PPEF1: variants seen among roughly 807,000 people sequenced by gnomAD.
PPEF1 encodes serine/threonine-protein phosphatase with EF-hands 1.
In PPEF1, 12 loss-of-function variants were observed where a neutral mutation model predicts 53.3. That is an observed-to-expected ratio of 0.23 (90% CI 0.14 to 0.36). The LOEUF (loss-of-function observed/expected upper bound fraction) is 0.36. Ranked by LOEUF, PPEF1 falls within the 10% of genes least tolerant of loss-of-function variation. The pLI is 1.00. For synonymous variants in PPEF1, 165 were observed against 176.7 expected, an observed-to-expected ratio of 0.93 and a Z score of 0.52; for missense variants, 334 against 490.4, an observed-to-expected ratio of 0.68 and a Z score of 3.01.
intron 1 of PPEF1, among the ~76,000 whole-genome samples, chrX:18,723,941 C>T (rs1208548895): frequency 9.0e-6 from 1 of 110,799 alleles, no homozygotes; most frequent in Admixed American, 9.6e-5. Context: ...CATGCACCAC[C>T]ACGCCTGGCT....
intron 5 of PPEF1, among the ~76,000 whole-genome samples, chrX:18,699,502 G>A (rs1000590740): frequency 1.8e-5 from 2 of 111,861 alleles, no homozygotes; most frequent in South Asian, 3.7e-4. Flanking sequence ...TGCTGGCAGC[G>A]CGGCCGCGAT....
chrX:18,784,548 C>G (rs73636687), intron 9 of PPEF1, among the ~76,000 whole-genome samples: 1,772 of 109,508 alleles, frequency 0.016, 36 homozygotes, highest in African/African-American at 0.056. Context: ...CACTAACTCC[C>G]CATTCTCCCC....
intron 14 of PPEF1, among the ~76,000 whole-genome samples, chrX:18,825,446 C>T (rs1242208574): frequency 8.9e-6 from 1 of 111,986 alleles, no homozygotes; most frequent in Non-Finnish European, 1.9e-5. Flanking sequence ...GTAAAATGGA[C>T]ATAATAATAG....
At chrX:18,726,081 C>T (rs770626107) in intron 1 of PPEF1, among the ~76,000 whole-genome samples, 40 of 111,020 alleles carry the variant, frequency 3.6e-4, no homozygotes, top group Non-Finnish European at 6.8e-4. Context: ...AATGGCCAGG[C>T]GCAGTGGCTC....
intron 10 of PPEF1, among the ~76,000 whole-genome samples, chrX:18,794,189 A>G (rs908956612): frequency 7.1e-5 from 8 of 112,429 alleles, no homozygotes; most frequent in East Asian, 2.8e-4. Context: ...GCTTACTCCA[A>G]CCTCCACAAA....
At chrX:18,677,555 C>T (rs1459335490) in intron 1 of PPEF1, among the ~76,000 whole-genome samples, 1 of 111,740 alleles carries the variant, frequency 8.9e-6, no homozygotes, top group Admixed American at 9.6e-5. Flanking sequence ...GTCCAGAATA[C>T]GTGTCCACTT....
chrX:18,792,646 G>T lies in PPEF1; in HGVS notation c.1065+3373G>T, dbSNP rs369033886. On this transcript the variant is annotated intron_variant, in intron 10 of 15. Transcript: ENST00000470157. ...TTAGTTTTATTGATTTTTCTCTATT[G>T]TTGTCTATTCTCTATTTCATTTATT... 4.2e-4 allele frequency among the ~76,000 whole-genome samples: 46 copies of T among 110,752 alleles called. 1 individual carries two copies. Among genetic ancestry groups the T allele is most frequent in the African/African-American group, 1.4e-3 (44 of 30,472 alleles).
At chrX:18,759,387 A>G (rs1157654714) in intron 5 of PPEF1, among the ~76,000 whole-genome samples, 1 of 111,538 alleles carries the variant, frequency 9.0e-6, no homozygotes, top group Non-Finnish European at 1.9e-5. Context: ...TGTGATGAAA[A>G]TTTGCTATTA....
intron 1 of PPEF1, among the ~76,000 whole-genome samples, chrX:18,717,295 A>G (rs1049404092): frequency 1.4e-4 from 15 of 108,833 alleles, no homozygotes; most frequent in African/African-American, 4.7e-4. Context: ...ATATTCTCTT[A>G]TATAACTACA....
At chrX:18,771,112 T>G (rs752885338) in intron 6 of PPEF1, among the ~76,000 whole-genome samples, 2 of 112,058 alleles carry the variant, frequency 1.8e-5, no homozygotes, top group Non-Finnish European at 3.8e-5. Flanking sequence ...TGTTTTCCTC[T>G]TCTTTTGAAT....
Position 18,774,111 on chromosome X carries a change from C to T in PPEF1, c.559-4899C>T, listed in dbSNP as rs184267839. Among the ~76,000 whole-genome samples, 74 of 109,670 alleles carry T rather than the reference C, an allele frequency of 6.7e-4. 1 individual carries two copies. Among genetic ancestry groups the T allele is most frequent in the African/African-American group, 1.8e-3 (54 of 30,102 alleles). On this transcript the variant is annotated intron_variant, in intron 6 of 15. Transcript: ENST00000470157. ...TTTTTATTTTTATTTTTTTTTGAGA[C>T]GGAGTTTCACTCTTGTTGCCCAGGC...
chrX:18,723,204 C>T (rs2044627807), intron 1 of PPEF1, among the ~76,000 whole-genome samples: 1 of 111,037 alleles, frequency 9.0e-6, no homozygotes, highest in South Asian at 3.8e-4. Context: ...AGGCTGCTCT[C>T]AAACTCCTGA....
chrX:18,694,498 A>G (rs992608216), intron 4 of PPEF1, among the ~76,000 whole-genome samples: 1 of 111,752 alleles, frequency 8.9e-6, no homozygotes, highest in Non-Finnish European at 1.9e-5. Context: ...CGCCTATAAT[A>G]CAAATACTTT....
intron 1 of PPEF1, among the ~76,000 whole-genome samples, chrX:18,712,180 T>G (rs907822211): frequency 8.9e-6 from 1 of 112,138 alleles, no homozygotes; most frequent in Non-Finnish European, 1.9e-5. Context: ...AGAATCAATG[T>G]GTCAGTGTCT....
intron 6 of PPEF1, among the ~76,000 whole-genome samples, chrX:18,768,292 A>C (rs1450124733): frequency 1.8e-5 from 2 of 112,478 alleles, no homozygotes; most frequent in Non-Finnish European, 1.9e-5. Context: ...CATCACTCAC[A>C]AGAGTAAGTA....
At chrX:18,765,845 C>T (rs1438498573) in intron 6 of PPEF1, among the ~76,000 whole-genome samples, 1 of 110,462 alleles carries the variant, frequency 9.1e-6, no homozygotes, top group African/African-American at 3.3e-5. Flanking sequence ...GGACGGATCA[C>T]TTGAGGTCAG....
At chrX:18,821,804 A>AGAGAGAGAGAGAGAG (rs1569273883) in intron 13 of PPEF1, among the ~76,000 whole-genome samples, 7 of 68,596 alleles carry the variant, frequency 1.0e-4, no homozygotes, top group Admixed American at 9.6e-4. Context: ...AGAGAGAGAG[A>AGAGAGAGAGAGAGAG]AAACAAATAA....
chrX:18,724,636 G>A (rs6629290), intron 1 of PPEF1, among the ~76,000 whole-genome samples: 7,379 of 111,113 alleles, frequency 0.066, 651 homozygotes, highest in African/African-American at 0.23. Context: ...TCATTCGTTC[G>A]TTCATTTATT....
intron 12 of PPEF1, among the ~76,000 whole-genome samples, chrX:18,812,040 G>A (rs2046821274): frequency 9.0e-6 from 1 of 111,578 alleles, no homozygotes; most frequent in African/African-American, 3.3e-5. Flanking sequence ...TTTTGGTGGT[G>A]TTGTATCTAA....
Sources: gnomAD v4.1 joint callset for allele counts (sites outside exome capture counted in the v4.1 genomes callset) on GRCh38, gnomAD v4.1.1 for gene constraint, MANE v1.5 for transcripts, NCBI Gene and HGNC (gene_info 2026-07-23, HGNC 2026-07-21) for gene names.